Variants in BCAS3 observed in about 807,000 individuals in gnomAD.
BCAS3 encodes BCAS3 microtubule associated cell migration factor.
BCAS3 carries 53 observed loss-of-function variants against 116.1 expected under a neutral mutation model. The observed-to-expected ratio is 0.46, with a 90% CI of 0.37 to 0.57. BCAS3 has a LOEUF of 0.57. Among genes scored for constraint, BCAS3 ranks in the 20% least tolerant of loss-of-function variants. The pLI is 0.00. For synonymous variants in BCAS3, 391 were observed against 408.2 expected (o/e 0.96, Z 0.51); for missense variants, 917 against 1,165.4 (o/e 0.79, Z 3.10).
At chr17:60,899,270 G>A (rs1011374779) in intron 10 of BCAS3, among the ~76,000 whole-genome samples, 3 of 151,966 alleles carry the variant, frequency 2.0e-5, no homozygotes, top group Non-Finnish European at 4.4e-5. Flanking sequence ...CCCCAGTCCC[G>A]GTGGCAATGG....
chr17:61,257,318 G>T (rs2048861407), intron 22 of BCAS3, among the ~76,000 whole-genome samples: 1 of 151,636 alleles, frequency 6.6e-6, no homozygotes, highest in African/African-American at 2.4e-5. Context: ...CTACGCAGGA[G>T]GCTAAGGCAG....
In BCAS3 at chr17:61,214,639, C is replaced by T. The variant is rs1211641047; in HGVS notation, c.2425+130075C>T. ...CTGGGAGGCGGAGCTTGCAGTGAGC[C>T]GAGATCGCGCCACTGCACTCCAGCC... is the stretch of plus-strand genomic sequence containing the variant. On this transcript the variant is annotated intron_variant, in intron 22 of 23. Coordinates refer to ENST00000407086, the MANE Select transcript of BCAS3 (RefSeq NM_017679.5). The surrounding 1 kb of genome is among the most constrained non-coding windows in gnomAD (Gnocchi z 4.4). 4.0e-5 allele frequency among the ~76,000 whole-genome samples: 6 copies of T among 150,384 alleles called. No individual in the cohort carries two copies. Among genetic ancestry groups the T allele is most frequent in the African/African-American group, 1.5e-4 (6 of 40,810 alleles).
intron 15 of BCAS3, among the ~76,000 whole-genome samples, chr17:61,010,050 G>A (rs1048519175): frequency 1.3e-4 from 20 of 150,172 alleles, no homozygotes; most frequent in South Asian, 2.1e-4. Context: ...TCTTTTGTCC[G>A]GAGTTTTCAG....
Position 61,362,482 on chromosome 17 carries a change from C to T in BCAS3, c.2426-5845C>T, listed in dbSNP as rs1442542613. 1.2e-4 allele frequency among the ~76,000 whole-genome samples: 19 copies of T among 152,204 alleles called. No individual in the cohort carries two copies. The highest frequency in any genetic ancestry group is 7.3e-5 in the Non-Finnish European group (5 of 68,042). ...CTTAAATAGCTAGAGTGTGATTAGA[C>T]ACTATCAGCTTAGAGGAGCATCCTA... On this transcript the variant is annotated intron_variant, in intron 22 of 23. Coordinates refer to ENST00000407086, the MANE Select transcript of BCAS3 (RefSeq NM_017679.5). This position sits in a 1 kb window ranked among gnomAD's most constrained non-coding sequence, Gnocchi z 4.4.
intron 7 of BCAS3, among the ~76,000 whole-genome samples, chr17:60,814,282 T>C (rs2144652116): frequency 7.6e-6 from 1 of 131,442 alleles, no homozygotes; most frequent in East Asian, 2.0e-4. Context: ...TGTGTGTGTG[T>C]GTGTGTGTGT....
At chr17:60,725,929 C>T (rs1408996089) in intron 5 of BCAS3, among the ~76,000 whole-genome samples, 1 of 151,962 alleles carries the variant, frequency 6.6e-6, no homozygotes, top group Admixed American at 6.6e-5. Flanking sequence ...GAGTTTCGCT[C>T]TTGTTGCCCA....
chr17:61,370,638 C>T (rs924274245), intron 23 of BCAS3, among the ~76,000 whole-genome samples: 7 of 152,350 alleles, frequency 4.6e-5, no homozygotes, highest in African/African-American at 9.6e-5. Flanking sequence ...CCGCCTGCCT[C>T]GGCCTCCCAG....
rs762335992 is a variant in BCAS3, at chr17:61,219,576, G to A, written c.2425+135012G>A. Reference sequence around the variant, plus strand: ...TGCTTGAGGCAGATAGCATCTCAGCGATCACTGTGCTATTTCAGCTTTCTG... The same window carrying A: ...TGCTTGAGGCAGATAGCATCTCAGCAATCACTGTGCTATTTCAGCTTTCTG... On this transcript the variant is annotated intron_variant, in intron 22 of 23. Coordinates refer to ENST00000407086, the MANE Select transcript of BCAS3 (RefSeq NM_017679.5). The surrounding 1 kb of genome is among the most constrained non-coding windows in gnomAD (Gnocchi z 5.2). 2.0e-5 allele frequency among the ~76,000 whole-genome samples: 3 copies of A among 152,270 alleles called. No individual in the cohort carries two copies. Among genetic ancestry groups the A allele is most frequent in the African/African-American group, 7.2e-5 (3 of 41,548 alleles).
At chr17:61,264,355 G>A (rs2049485086) in intron 22 of BCAS3, among the ~76,000 whole-genome samples, 1 of 150,772 alleles carries the variant, frequency 6.6e-6, no homozygotes, top group Non-Finnish European at 1.5e-5. Context: ...TATATTCATT[G>A]TATAGCAGTA....
At chr17:61,187,396 A>G (rs2079843456) in intron 22 of BCAS3, among the ~76,000 whole-genome samples, 2 of 152,230 alleles carry the variant, frequency 1.3e-5, no homozygotes, top group South Asian at 2.1e-4. Context: ...GAGAGCATGG[A>G]TATGAGTTAT....
chr17:61,144,993 C>A lies in BCAS3; in HGVS notation c.2425+60429C>A, dbSNP rs1307282945. 6.6e-6 allele frequency among the ~76,000 whole-genome samples: 1 copy of A among 152,164 alleles called. No individual in the cohort carries two copies. Among genetic ancestry groups the A allele is most frequent in the Non-Finnish European group, 1.5e-5 (1 of 68,022 alleles). On this transcript the variant is annotated intron_variant, in intron 22 of 23. Coordinates refer to ENST00000407086, the MANE Select transcript of BCAS3 (RefSeq NM_017679.5). The surrounding 1 kb of genome is among the most constrained non-coding windows in gnomAD (Gnocchi z 5.0). ...TAAAATTTTCTTTCTGTTTCCTTAT[C>A]AGAAATATTCATTTAGACCATAACA... is the stretch of plus-strand genomic sequence containing the variant.
chr17:61,164,577 G>T (rs2078372193), intron 22 of BCAS3, among the ~76,000 whole-genome samples: 2 of 152,128 alleles, frequency 1.3e-5, no homozygotes, highest in South Asian at 2.1e-4. Context: ...GTTATTGCAG[G>T]AGTGGGCTGG....
At chr17:61,191,774 C>CA (rs753462944) in intron 22 of BCAS3, among the ~76,000 whole-genome samples, 1 of 73,414 alleles carries the variant, frequency 1.4e-5, no homozygotes, top group African/African-American at 5.5e-5. Context: ...GACTCCGTCT[C>CA]AAAAAAAAAA....
At chr17:61,308,604 C>T (rs753721413) in intron 22 of BCAS3, among the ~76,000 whole-genome samples, 9 of 151,592 alleles carry the variant, frequency 5.9e-5, no homozygotes, top group Non-Finnish European at 1.2e-4. Context: ...TGCCTTGAAA[C>T]GATGAGTCTG....
chr17:60,964,608 A>G lies in BCAS3; in HGVS notation c.1221+17256A>G, dbSNP rs1488647843. Reference sequence around the variant, plus strand: ...AATTTTTTTGAAGAGTTTGAGTACAATTGGTATTAATTCTTCTTTAAATGT... The same window carrying G: ...AATTTTTTTGAAGAGTTTGAGTACAGTTGGTATTAATTCTTCTTTAAATGT... On this transcript the variant is annotated intron_variant, in intron 14 of 23. Coordinates refer to ENST00000407086, the MANE Select transcript of BCAS3 (RefSeq NM_017679.5). The surrounding 1 kb of genome is among the most constrained non-coding windows in gnomAD (Gnocchi z 4.6). Among the ~76,000 whole-genome samples the G allele has an allele frequency of 2.6e-5, 4 of 152,176 alleles. No homozygotes were observed. The highest frequency in any genetic ancestry group is 6.5e-5 in the Admixed American group (1 of 15,278).
At chr17:61,101,986 T>G (rs2074357430) in intron 22 of BCAS3, among the ~76,000 whole-genome samples, 2 of 152,172 alleles carry the variant, frequency 1.3e-5, no homozygotes, top group Admixed American at 1.3e-4. Context: ...GGATGATACC[T>G]TTATCAGTTC....
chr17:60,827,867 G>C (rs967762301), intron 7 of BCAS3, among the ~76,000 whole-genome samples: 16 of 152,128 alleles, frequency 1.1e-4, no homozygotes, highest in African/African-American at 3.9e-4. Context: ...AGTGACTTTA[G>C]TATACAGTTA....
intron 7 of BCAS3, among the ~76,000 whole-genome samples, chr17:60,815,957 G>C (rs1299473392): frequency 6.6e-6 from 1 of 152,126 alleles, no homozygotes; most frequent in African/African-American, 2.4e-5. Context: ...TATACGAGTA[G>C]TTATACTCAT....
chr17:61,047,702 T>G (rs2068477239), intron 19 of BCAS3, among the ~76,000 whole-genome samples: 2 of 152,056 alleles, frequency 1.3e-5, no homozygotes, highest in African/African-American at 4.8e-5. Flanking sequence ...CAACCAGCTT[T>G]GAATATGATC....
Sources: gnomAD v4.1 joint callset for allele counts (sites outside exome capture counted in the v4.1 genomes callset) on GRCh38, gnomAD v4.1.1 for gene constraint, Gnocchi (gnomAD v3.1) non-coding constraint, MANE v1.5 for transcripts, NCBI Gene and HGNC (gene_info 2026-07-23, HGNC 2026-07-21) for gene names.